The following DCAF7 variants were observed in gnomAD, a reference collection of about 807,000 sequenced individuals.
The protein encoded by DCAF7 is DDB1- and CUL4-associated factor 7.
Under a neutral mutation model 41.2 loss-of-function variants are expected in DCAF7, and 4 were observed. The observed-to-expected ratio is 0.10, with a 90% CI of 0.05 to 0.22. DCAF7 has a LOEUF of 0.22. Among genes scored for constraint, DCAF7 ranks in the 10% least tolerant of loss-of-function variants. The pLI is 1.00. For synonymous variants in DCAF7, 143 were observed against 164.2 expected (o/e 0.87, Z 0.99); for missense variants, 131 against 443.2 (o/e 0.30, Z 6.32).
rs959810954 is a variant in DCAF7 at position 63,578,496 on chromosome 17, G to A, written c.165G>A (p.Glu55=). 1.9e-6 allele frequency: 3 copies of A among 1,613,902 alleles called. No homozygotes were observed. In the African/African-American group the frequency reaches 4.0e-5, roughly 22 times the overall value. The change falls in exon 2 of 7, where the codon GAG becomes GAA. Residue 55 remains glutamate (E), a synonymous_variant. Transcript: ENST00000614556. The part of the protein sequence containing the change: ...NKVQLVGLDE[E]SSEFICRNTF... ...TTCAGCTTGTTGGTTTAGATGAGGA[G>A]AGTTCAGAGTTTATTTGCAGAAACA...
chr17:63,587,997 A>AG (rs2033695099), intron 6 of DCAF7, among the ~76,000 whole-genome samples: 1 of 151,516 alleles, frequency 6.6e-6, no homozygotes, highest in Admixed American at 6.6e-5. Flanking sequence ...AAAAAAAAAA[A>AG]AAAAAAAGTA....
At position 63,590,566 on chromosome 17, in the gene DCAF7, C is replaced by T. The variant is rs922651973; in HGVS notation, c.*1394C>T. On this transcript the variant is annotated 3_prime_UTR_variant, in exon 7 of 7. Transcript: ENST00000614556. ...TGACTTGCAGGCCGCAGGTGTCTTTCTGTTATGTGAATGAGTTCCATGGAG... is the reference window on the plus strand; with the variant it reads ...TGACTTGCAGGCCGCAGGTGTCTTTTTGTTATGTGAATGAGTTCCATGGAG... The T allele has an allele frequency of 6.6e-6, 1 of 152,628 alleles. No individual in the cohort carries two copies. The highest frequency in any genetic ancestry group is 1.5e-5 in the Non-Finnish European group (1 of 68,078). The allele number at this position is 152,628 out of a possible 1,614,324, so 9.5% of individuals were successfully genotyped here. A position where few individuals can be genotyped will look rare whatever the true frequency, so the allele number is the denominator to read the frequency against.
At chr17:63,553,879 C>T (rs2033284045) in intron 1 of DCAF7, among the ~76,000 whole-genome samples, 1 of 152,136 alleles carries the variant, frequency 6.6e-6, no homozygotes, top group Admixed American at 6.5e-5. Context: ...AGTAAAGAAA[C>T]AGATTCTATC....
chr17:63,561,814 GA>G (rs2033383780), intron 1 of DCAF7, among the ~76,000 whole-genome samples: 2 of 151,906 alleles, frequency 1.3e-5, no homozygotes, highest in East Asian at 1.9e-4. Flanking sequence ...TGTGTATTTA[GA>G]AAAAAAATTT....
At chr17:63,553,766 G>A (rs185771575) in intron 1 of DCAF7, among the ~76,000 whole-genome samples, 23 of 152,286 alleles carry the variant, frequency 1.5e-4, no homozygotes, top group Admixed American at 7.8e-4. Context: ...TTTTCCTAAC[G>A]TAAAATTGTA....
At chr17:63,571,341 A>AGGGAT (rs1485550099) in intron 1 of DCAF7, among the ~76,000 whole-genome samples, 2 of 152,158 alleles carry the variant, frequency 1.3e-5, no homozygotes, top group African/African-American at 2.4e-5. Flanking sequence ...ACTGGTATAG[A>AGGGAT]GGGATGGGGT....
intron 1 of DCAF7, among the ~76,000 whole-genome samples, chr17:63,565,625 T>C (rs909798076): frequency 2.6e-5 from 4 of 152,110 alleles, no homozygotes; most frequent in African/African-American, 4.8e-5. Flanking sequence ...GGGCAAGATA[T>C]TTAACTCAAC....
chr17:63,589,561 A>G lies in DCAF7; in HGVS notation c.*389A>G. ...CAAGGCAGCAGTTCATGTCTCGTCC[A>G]TGTCCATGTTCGTGTTAGCACTTAC... On this transcript the variant is annotated 3_prime_UTR_variant, in exon 7 of 7. Coordinates refer to ENST00000614556, the MANE Select transcript of DCAF7 (RefSeq NM_005828.5). 1 of 275,228 alleles carries G rather than the reference A, an allele frequency of 3.6e-6. No homozygotes were observed. The highest frequency in any genetic ancestry group is 3.7e-5 in the South Asian group (1 of 27,308). 17.0% of individuals were successfully genotyped at this position (275,228 alleles called of 1,614,324 possible). A position where few individuals can be genotyped will look rare whatever the true frequency, so the allele number is the denominator to read the frequency against.
At chr17:63,551,883 C>G (rs55635260) in intron 1 of DCAF7, among the ~76,000 whole-genome samples, 1 of 68,808 alleles carries the variant, frequency 1.5e-5, no homozygotes. Context: ...CCCGTCTCTA[C>G]TAAAATACAA....
chr17:63,588,873 TG>T, intron 6 of DCAF7, 126 bp from the exon 7 acceptor site: 2 of 1,008,522 alleles, frequency 2.0e-6, no homozygotes, highest in Non-Finnish European at 2.8e-6. Flanking sequence ...ATCGATAAAA[TG>T]GGGGCTTAAA....
At position 63,562,136 on chromosome 17, in the gene DCAF7, G is replaced by T. The variant is rs112317651; in HGVS notation, c.138+11321G>T. 5.2e-3 allele frequency among the ~76,000 whole-genome samples: 792 copies of T among 152,076 alleles called. 8 individuals carry two copies. The highest frequency in any genetic ancestry group is 0.018 in the African/African-American group (762 of 41,474). ...CCAGAGAGATAGGTGGAACTGAATA[G>T]AATATTTCAAAGACAACTTTAGTAT... On this transcript the variant is annotated intron_variant, in intron 1 of 6. Transcript: ENST00000614556.
rs115365172 is a variant in DCAF7 at position 63,582,611 on chromosome 17, G to A, written c.529-891G>A. Among the ~76,000 whole-genome samples, 1,412 of 152,052 alleles carry A rather than the reference G, an allele frequency of 9.3e-3. 20 individuals are homozygous for A. The highest frequency in any genetic ancestry group is 0.032 in the African/African-American group (1,331 of 41,448). The stretch of plus-strand genomic sequence containing the variant: ...AGCCTCCCATGTAGCTGGGATTACC[G>A]GCACCAGACACCACACTCAGCTAAT... On this transcript the variant is annotated intron_variant, in intron 4 of 6. Transcript: ENST00000614556.
At chr17:63,567,925 A>G (rs2033462189) in intron 1 of DCAF7, among the ~76,000 whole-genome samples, 1 of 152,098 alleles carries the variant, frequency 6.6e-6, no homozygotes, top group African/African-American at 2.4e-5. Context: ...TTGGCATCCC[A>G]GGGTGTTGGG....
intron 5 of DCAF7, 31 bp downstream of exon 5, chr17:63,583,742 C>A: frequency 6.2e-7 from 1 of 1,603,482 alleles, no homozygotes; most frequent in East Asian, 2.2e-5. Flanking sequence ...ACCATGGGCC[C>A]TGCCTAACTC....
At chr17:63,578,730 G>A in intron 2 of DCAF7, 102 bp downstream of exon 2, 1 of 1,500,902 alleles carries the variant, frequency 6.7e-7, no homozygotes, top group Non-Finnish European at 9.2e-7. Flanking sequence ...GGCAGCGAGT[G>A]TCATTGCAGC....
chr17:63,589,449 T>C lies in DCAF7; in HGVS notation c.*277T>C. On this transcript the variant is annotated 3_prime_UTR_variant, in exon 7 of 7. Coordinates refer to ENST00000614556, the MANE Select transcript of DCAF7 (RefSeq NM_005828.5). ...TGGTTCCTCAATTAAAAAATGTGTG[T>C]ATATTTGTTTGTCAGGCGTTGTGTT... is the stretch of plus-strand genomic sequence containing the variant. 2.1e-6 allele frequency: 1 copy of C among 466,454 alleles called. No individual in the cohort carries two copies. The highest frequency in any genetic ancestry group is 4.0e-6 in the Non-Finnish European group (1 of 249,998). 28.9% of individuals were successfully genotyped at this position (466,454 alleles called of 1,614,324 possible).
At chr17:63,585,574 G>A (rs1257802725) in intron 6 of DCAF7, among the ~76,000 whole-genome samples, 1 of 152,222 alleles carries the variant, frequency 6.6e-6, no homozygotes, top group Non-Finnish European at 1.5e-5. Flanking sequence ...ATAGGGCTGT[G>A]CCTTGTACTG....
chr17:63,568,417 G>C (rs1359570554), intron 1 of DCAF7, among the ~76,000 whole-genome samples: 1 of 152,072 alleles, frequency 6.6e-6, no homozygotes, highest in African/African-American at 2.4e-5. Context: ...CTTTGCTTTG[G>C]TTATCAGTTA....
At chr17:63,553,256 A>T (rs1477848900) in intron 1 of DCAF7, among the ~76,000 whole-genome samples, 2 of 152,230 alleles carry the variant, frequency 1.3e-5, no homozygotes, top group Non-Finnish European at 2.9e-5. Flanking sequence ...AAGATGCTTA[A>T]CAACTGTGCT....
Sources: allele counts gnomAD v4.1 joint callset (sites outside exome capture counted in the v4.1 genomes callset), GRCh38; gene constraint gnomAD v4.1.1; transcripts MANE v1.5; gene names NCBI Gene and HGNC (gene_info 2026-07-23, HGNC 2026-07-21).